Variants in GPC4 observed in about 807,000 individuals in gnomAD.
GPC4 encodes the protein glypican-4.
Under a neutral mutation model 35.0 loss-of-function variants are expected in GPC4, and 10 were observed. The ratio of observed to expected loss-of-function variants is 0.29; its 90% CI spans 0.18 to 0.48. The LOEUF is 0.48. GPC4 is among the 20% of genes least tolerant of loss of function. The pLI is 0.99. For missense variants in GPC4, 322 were observed against 451.3 expected (o/e 0.71, Z 2.60); for synonymous variants, 167 against 170.2 (o/e 0.98, Z 0.15).
chrX:133,314,633 G>A (rs1295954643), intron 3 of GPC4, among the ~76,000 whole-genome samples: 1 of 111,377 alleles, frequency 9.0e-6, no homozygotes, highest in Admixed American at 9.6e-5. Context: ...AAGAAAAATG[G>A]AAAGAGAAAG....
At position 133,414,915 on chromosome X, in the gene GPC4, G is replaced by A; in HGVS notation, c.51C>T (p.Ser17=). The A allele has an allele frequency of 8.3e-7, 1 of 1,211,796 alleles. No individual in the cohort carries two copies. Among genetic ancestry groups the A allele is most frequent in the Non-Finnish European group, 1.1e-6 (1 of 895,464 alleles). The part of the protein sequence containing the change: ...PALLCTLAVL[S]AALLAAELKS... ...TGAGCTCGGCAGCCAGCAGCGCGGC[G>A]CTGAGCACTGCCAGGGTGCAGAGAA... Residue 17 remains serine, a synonymous_variant, in exon 1 of 9, where the codon AGC becomes AGT. Coordinates refer to ENST00000370828, the MANE Select transcript of GPC4 (RefSeq NM_001448.3).
At chrX:133,391,011 A>G (rs1262560989) in intron 1 of GPC4, among the ~76,000 whole-genome samples, 1 of 112,211 alleles carries the variant, frequency 8.9e-6, no homozygotes, top group Non-Finnish European at 1.9e-5. Flanking sequence ...AGTCTAGTGT[A>G]AATATTGAAA....
intron 1 of GPC4, among the ~76,000 whole-genome samples, chrX:133,391,206 C>T (rs1242131389): frequency 8.9e-6 from 1 of 111,950 alleles, no homozygotes; most frequent in Non-Finnish European, 1.9e-5. Context: ...AATGAGGGCT[C>T]TAAGTTACAG....
rs2068286510 is a variant in GPC4, at chrX:133,305,433, C to T, written c.1155+339G>A. On this transcript the variant is annotated intron_variant, in intron 6 of 8. Transcript: ENST00000370828. ...AACATCTACTTCTCCCTCTTTGCCT[C>T]CTTGTTGGTGCCTTTTGAGAACAAG... Among the ~76,000 whole-genome samples, 3 of 112,448 alleles carry T rather than the reference C, an allele frequency of 2.7e-5. No individual in the cohort carries two copies. The South Asian group carries it at 1.1e-3, about 42-fold the overall frequency.
chrX:133,406,626 G>GT (rs1267477910), intron 1 of GPC4, among the ~76,000 whole-genome samples: 5 of 107,187 alleles, frequency 4.7e-5, no homozygotes, highest in African/African-American at 1.0e-4. Flanking sequence ...GTGTGCTCCT[G>GT]TAATTCCAGC....
chrX:133,335,220 G>A (rs767421889), intron 2 of GPC4, among the ~76,000 whole-genome samples: 1 of 111,432 alleles, frequency 9.0e-6, no homozygotes, highest in Non-Finnish European at 1.9e-5. Flanking sequence ...TTGGCCAAGA[G>A]GGGGAGCAGC....
chrX:133,357,190 T>C (rs1177611815), intron 1 of GPC4, among the ~76,000 whole-genome samples: 1 of 109,033 alleles, frequency 9.2e-6, no homozygotes, highest in Non-Finnish European at 1.9e-5. Context: ...TCGAGACCAG[T>C]CTGGGCAACA....
chrX:133,339,740 T>C (rs193246443), intron 1 of GPC4, among the ~76,000 whole-genome samples: 4 of 112,494 alleles, frequency 3.6e-5, no homozygotes, highest in Admixed American at 1.9e-4. Context: ...CAAGAGAGAC[T>C]GTCCTTAATG....
chrX:133,310,827 G>C (rs1028757749), intron 4 of GPC4, among the ~76,000 whole-genome samples: 2 of 111,550 alleles, frequency 1.8e-5, no homozygotes, highest in Non-Finnish European at 3.8e-5. Flanking sequence ...TTTCAGGCGG[G>C]AAATATCAAA....
Position 133,305,848 on chromosome X carries a change from G to A in GPC4, c.1079C>T (p.Ala360Val). The A allele has an allele frequency of 2.5e-6, 3 of 1,211,683 alleles. No homozygotes were observed. The highest frequency in any genetic ancestry group is 1.8e-5 in the South Asian group (1 of 56,986). ...ATGTGGTCTGAAGCGAGCACTGAAG[G>A]CACTTTCAGAGATGGAACGAGAAAT... ...GRISRSISES[A>V]FSARFRPHHP... Residue 360 changes from alanine to valine, a missense_variant, in exon 6 of 9, where the codon GCC becomes GTC. Ala to Val is a moderately conservative substitution (Grantham distance 64). Transcript: ENST00000370828.
At position 133,373,876 on chromosome X, in the gene GPC4, G is replaced by T. The variant is rs184736606; in HGVS notation, c.161-34535C>A. On this transcript the variant is annotated intron_variant, in intron 1 of 8. Transcript: ENST00000370828. ...GCCACATGACTCCTCTTATCACAGG[G>T]AAGTGATTGTAGACTGGGCCCTCAA... Among the ~76,000 whole-genome samples the T allele has an allele frequency of 7.2e-5, 8 of 111,468 alleles. No individual in the cohort carries two copies. In the South Asian group the frequency reaches 3.1e-3, roughly 43 times the overall value.
chrX:133,400,267 G>A (rs891105646), intron 1 of GPC4, among the ~76,000 whole-genome samples: 9 of 111,833 alleles, frequency 8.0e-5, no homozygotes, highest in Admixed American at 4.8e-4. Flanking sequence ...ACAAACCCTG[G>A]CCATTCACTG....
chrX:133,352,923 A>C lies in GPC4; in HGVS notation c.161-13582T>G, dbSNP rs552291553. Among the ~76,000 whole-genome samples the C allele has an allele frequency of 4.3e-4, 48 of 112,197 alleles. No homozygotes were observed. In the South Asian group the frequency reaches 0.017, roughly 40 times the overall value. On this transcript the variant is annotated intron_variant, in intron 1 of 8. Coordinates refer to ENST00000370828, the MANE Select transcript of GPC4 (RefSeq NM_001448.3). ...ACCACAGGGAAGGAAAAATAAAGCC[A>C]GATCTTAGGTGCTATATTAAAGTAT...
chrX:133,382,944 T>C (rs1162448788), intron 1 of GPC4, among the ~76,000 whole-genome samples: 1 of 112,318 alleles, frequency 8.9e-6, no homozygotes, highest in African/African-American at 3.2e-5. Context: ...GAAACTCTCA[T>C]TGTTGGTGGG....
chrX:133,381,136 G>T (rs909831339), intron 1 of GPC4, among the ~76,000 whole-genome samples: 23 of 111,818 alleles, frequency 2.1e-4, no homozygotes, highest in African/African-American at 7.5e-4. Context: ...ACCGGGGTCA[G>T]TGGGCCCCAG....
At chrX:133,369,588 G>A (rs759298983) in intron 1 of GPC4, among the ~76,000 whole-genome samples, 2 of 112,004 alleles carry the variant, frequency 1.8e-5, no homozygotes, top group Non-Finnish European at 3.8e-5. Flanking sequence ...AATTTAAACT[G>A]AATTAAACAC....
rs778171719 is a variant in GPC4 at position 133,305,737 on chromosome X, T to C, written c.1155+35A>G. On this transcript the variant is annotated intron_variant, in intron 6 of 8. Transcript: ENST00000370828. The stretch of plus-strand genomic sequence containing the variant: ...TTGAGCAAGAGTTTTCAGTTCTTTG[T>C]CATTAAACACGGCCCTTCCTGCCAA... 5.8e-6 allele frequency: 7 copies of C among 1,203,268 alleles called. No homozygotes were observed. The East Asian group carries it at 2.1e-4, about 36-fold the overall frequency.
chrX:133,390,149 G>C (rs183153982), intron 1 of GPC4, among the ~76,000 whole-genome samples: 76 of 110,792 alleles, frequency 6.9e-4, no homozygotes, highest in Non-Finnish European at 1.2e-3. Context: ...GCTACCGGTC[G>C]AACTCCAGCT....
intron 1 of GPC4, among the ~76,000 whole-genome samples, chrX:133,393,381 A>T (rs950919644): frequency 9.0e-6 from 1 of 111,204 alleles, no homozygotes; most frequent in Non-Finnish European, 1.9e-5. Flanking sequence ...CCACCAGCCA[A>T]CAGTTTAGCT....
Sources: gnomAD v4.1 joint callset for allele counts (sites outside exome capture counted in the v4.1 genomes callset) on GRCh38, gnomAD v4.1.1 for gene constraint, MANE v1.5 for transcripts, NCBI Gene and HGNC (gene_info 2026-07-23, HGNC 2026-07-21) for gene names.